The following ADAMTS2 variants were observed in gnomAD, a reference collection of about 807,000 sequenced individuals.
ADAMTS2 encodes the protein A disintegrin and metalloproteinase with thrombospondin motifs 2.
ADAMTS2 carries 50 observed loss-of-function variants against 123.0 expected under a neutral mutation model. The ratio of observed to expected loss-of-function variants is 0.41; its 90% CI spans 0.32 to 0.51. The LOEUF is 0.51. Ranked by LOEUF, ADAMTS2 falls within the 20% of genes least tolerant of loss-of-function variation. The probability of loss-of-function intolerance (pLI) is 0.35; values close to 1 mark genes in which losing one functional copy is unlikely to be tolerated. For synonymous variants in ADAMTS2, 678 were observed against 695.4 expected (o/e 0.98, Z 0.39); for missense variants, 1,494 against 1,705.2 (o/e 0.88, Z 2.18).
At chr5:179,299,420 T>A (rs565609418) in intron 2 of ADAMTS2, among the ~76,000 whole-genome samples, 21 of 115,146 alleles carry the variant, frequency 1.8e-4, no homozygotes, top group Admixed American at 5.8e-4. Flanking sequence ...TCCCAGCTAC[T>A]TGGGAGGCTG....
chr5:179,325,963 C>G (rs1757304014), intron 2 of ADAMTS2, among the ~76,000 whole-genome samples: 1 of 152,200 alleles, frequency 6.6e-6, no homozygotes, highest in Non-Finnish European at 1.5e-5. Context: ...CAAAGGAGAA[C>G]GGCCAGGCGG....
rs1043679274 is a variant in ADAMTS2, at chr5:179,228,434, G to C, written c.689-20719C>G. 2.6e-5 allele frequency among the ~76,000 whole-genome samples: 4 copies of C among 152,218 alleles called. No homozygotes were observed. Among genetic ancestry groups the C allele is most frequent in the African/African-American group, 9.6e-5 (4 of 41,460 alleles). ...CTCTCCAGCCAGCAGGGCAGAATTG[G>C]GGGTGGACTTGCCCCAGCCTGAAGA... On this transcript the variant is annotated intron_variant, in intron 3 of 21. Transcript: ENST00000251582. The surrounding 1 kb of genome is among the most constrained non-coding windows in gnomAD (Gnocchi z 5.2).
At chr5:179,240,693 A>G (rs1765644493) in intron 3 of ADAMTS2, among the ~76,000 whole-genome samples, 1 of 152,232 alleles carries the variant, frequency 6.6e-6, no homozygotes, top group Non-Finnish European at 1.5e-5. Flanking sequence ...TCCTGTGTCA[A>G]ATGAGTTCCC....
intron 3 of ADAMTS2, among the ~76,000 whole-genome samples, chr5:179,253,787 C>G (rs2113473381): frequency 6.6e-6 from 1 of 152,346 alleles, no homozygotes; most frequent in African/African-American, 2.4e-5. Context: ...GCCTCAGGCT[C>G]CTCACTTCCT....
At chr5:179,133,002 TCCTG>T (rs1327017107) in intron 13 of ADAMTS2, 102 bp from the exon 14 acceptor site, 3 of 1,488,572 alleles carry the variant, frequency 2.0e-6, no homozygotes, top group Non-Finnish European at 2.7e-6. Context: ...CAAGCGATCC[TCCTG>T]CCTTGGCCTC....
chr5:179,114,392 G>A, intron 21 of ADAMTS2, 68 bp from the exon 22 acceptor site: 1 of 1,502,226 alleles, frequency 6.7e-7, no homozygotes, highest in Non-Finnish European at 9.1e-7. Flanking sequence ...CCCACAGGGT[G>A]CAGCTTGCTG....
At position 179,202,592 on chromosome 5, in the gene ADAMTS2, C is replaced by A. The variant is rs981436555; in HGVS notation, c.891+4921G>T. Among the ~76,000 whole-genome samples the A allele has an allele frequency of 4.6e-5, 7 of 152,172 alleles. No individual in the cohort carries two copies. The highest frequency in any genetic ancestry group is 2.1e-4 in the South Asian group (1 of 4,832). On this transcript the variant is annotated intron_variant, in intron 4 of 21. Transcript: ENST00000251582. The surrounding 1 kb of genome is among the most constrained non-coding windows in gnomAD (Gnocchi z 4.0). Reference sequence around the variant, plus strand: ...GCTCACAGCTGCACCCCTTGCCTGACATATAATAGACGCCCCATAAACACC... The same window carrying A: ...GCTCACAGCTGCACCCCTTGCCTGAAATATAATAGACGCCCCATAAACACC...
In ADAMTS2 at chr5:179,132,174, T is replaced by C. The variant is rs1375061924; in HGVS notation, c.2290+56A>G. The C allele has an allele frequency of 9.0e-6, 14 of 1,557,986 alleles. No individual in the cohort carries two copies. The highest frequency in any genetic ancestry group is 1.2e-5 in the Non-Finnish European group (14 of 1,132,138). On this transcript the variant is annotated intron_variant, in intron 15 of 21. Coordinates refer to ENST00000251582, the MANE Select transcript of ADAMTS2 (RefSeq NM_014244.5). This position sits in a 1 kb window ranked among gnomAD's most constrained non-coding sequence, Gnocchi z 6.1. ...CCCTGACCCCTGGCACTCTGCCCAT[T>C]GATCCCAGAGGAGCCAGGTCCTGAG...
intron 3 of ADAMTS2, among the ~76,000 whole-genome samples, chr5:179,211,463 T>C (rs1002239804): frequency 6.6e-5 from 10 of 152,162 alleles, no homozygotes; most frequent in African/African-American, 2.4e-4. Context: ...ATCTTTTAAA[T>C]AGGTAACACA....
intron 4 of ADAMTS2, among the ~76,000 whole-genome samples, chr5:179,205,757 G>GTTGTTATTA (rs1554130226): frequency 7.8e-5 from 9 of 115,930 alleles, no homozygotes; most frequent in East Asian, 1.2e-3. Flanking sequence ...TGGTTTTATT[G>GTTGTTATTA]TTATTATTAT....
rs115735923 is a variant in ADAMTS2, at chr5:179,118,619, A to G, written c.3178+3042T>C. 2.9e-3 allele frequency among the ~76,000 whole-genome samples: 447 copies of G among 152,320 alleles called. 2 individuals are homozygous for G. Among genetic ancestry groups the G allele is most frequent in the African/African-American group, 9.8e-3 (408 of 41,574 alleles). Reference sequence around the variant, plus strand: ...AATTTGTTTTAGAAGACCTTATACTATTACCACTCATGGAAAGCTACTGCA... The same window carrying G: ...AATTTGTTTTAGAAGACCTTATACTGTTACCACTCATGGAAAGCTACTGCA... On this transcript the variant is annotated intron_variant, in intron 21 of 21. Coordinates refer to ENST00000251582, the MANE Select transcript of ADAMTS2 (RefSeq NM_014244.5). The surrounding 1 kb of genome is among the most constrained non-coding windows in gnomAD (Gnocchi z 4.5).
intron 2 of ADAMTS2, among the ~76,000 whole-genome samples, chr5:179,321,234 C>T (rs183053070): frequency 6.7e-5 from 10 of 149,938 alleles, no homozygotes; most frequent in South Asian, 2.1e-4. Flanking sequence ...CCTCTGTGCT[C>T]GAGGCAGGGC....
At chr5:179,139,396 G>C (rs1030285234) in intron 11 of ADAMTS2, among the ~76,000 whole-genome samples, 1 of 152,130 alleles carries the variant, frequency 6.6e-6, no homozygotes, top group Non-Finnish European at 1.5e-5. Context: ...CCTGCGTGGC[G>C]GGTGGGGCTG....
intron 2 of ADAMTS2, among the ~76,000 whole-genome samples, chr5:179,306,896 T>C (rs62395026): frequency 0.058 from 8,868 of 152,232 alleles, 279 homozygotes; most frequent in Admixed American, 0.078. Flanking sequence ...TCTGAGGACA[T>C]GGCTCTTATT....
chr5:179,229,218 A>C (rs1264026218), intron 3 of ADAMTS2, among the ~76,000 whole-genome samples: 3 of 152,220 alleles, frequency 2.0e-5, no homozygotes, highest in Non-Finnish European at 4.4e-5. Flanking sequence ...TCTGGGCTTA[A>C]GTGACTTGGC....
In ADAMTS2 at chr5:179,125,048, G is replaced by A. The variant is rs370397254; in HGVS notation, c.2883C>T (p.Asp961=). 30 of 1,608,728 alleles carry A rather than the reference G, an allele frequency of 1.9e-5. No individual in the cohort carries two copies. Among genetic ancestry groups the A allele is most frequent in the Admixed American group, 3.4e-5 (2 of 58,806 alleles). The change falls in exon 19 of 22, where the codon GAC becomes GAT. Residue 961 remains aspartate, a synonymous_variant. Transcript: ENST00000251582. The part of the protein sequence containing the change: ...TRSVHAKHCN[D]ARPESRRACS... ...AGGCCCGGCGGCTCTCGGGCCGGGCGTCATTGCAGTGCTTGGCGTGCACGG... is the reference window on the plus strand; with the variant it reads ...AGGCCCGGCGGCTCTCGGGCCGGGCATCATTGCAGTGCTTGGCGTGCACGG...
At chr5:179,270,555 T>C (rs1766503030) in intron 3 of ADAMTS2, among the ~76,000 whole-genome samples, 1 of 152,182 alleles carries the variant, frequency 6.6e-6, no homozygotes, top group Non-Finnish European at 1.5e-5. Flanking sequence ...ACCCAGGTCC[T>C]GGAGTTGTGT....
rs141083701 is a variant in ADAMTS2 at position 179,261,882 on chromosome 5, T to C, written c.688+11029A>G. On this transcript the variant is annotated intron_variant, in intron 3 of 21. Transcript: ENST00000251582. ...ACAAACAAGGATGCACACACGTCCA[T>C]GGGACCCCAAACCTCACACTGTCCC... is the stretch of plus-strand genomic sequence containing the variant. Among the ~76,000 whole-genome samples, 536 of 152,268 alleles carry C rather than the reference T, an allele frequency of 3.5e-3. 5 individuals are homozygous for C. Among genetic ancestry groups the C allele is most frequent in the African/African-American group, 0.012 (517 of 41,564 alleles).
chr5:179,142,402 A>G (rs1266996018), intron 10 of ADAMTS2, among the ~76,000 whole-genome samples: 1 of 152,186 alleles, frequency 6.6e-6, no homozygotes, highest in East Asian at 1.9e-4. Context: ...GACAGCTAAG[A>G]GCCCTCCTGA....
Sources: allele counts gnomAD v4.1 joint callset (sites outside exome capture counted in the v4.1 genomes callset), GRCh38; gene constraint gnomAD v4.1.1; non-coding constraint Gnocchi (gnomAD v3.1); transcripts MANE v1.5; gene names NCBI Gene and HGNC (gene_info 2026-07-23, HGNC 2026-07-21).